The following NSMCE2 variants were observed in gnomAD, a reference collection of about 807,000 sequenced individuals.
The protein encoded by NSMCE2 is E3 SUMO-protein ligase NSE2.
In NSMCE2, 24 loss-of-function variants were observed where a neutral mutation model predicts 23.8. That is an observed-to-expected ratio of 1.01 (90% CI 0.73 to 1.42). NSMCE2 has a LOEUF of 1.42. Ranked by LOEUF, NSMCE2 falls within the 40% of genes most tolerant of loss-of-function variation. NSMCE2 has a pLI of 0.00. For synonymous variants in NSMCE2, 92 were observed against 94.1 expected, an observed-to-expected ratio of 0.98 and a Z score of 0.13; for missense variants, 284 against 296.5, an observed-to-expected ratio of 0.96 and a Z score of 0.31.
At chr8:125,135,431 T>C (rs1311898907) in intron 3 of NSMCE2, among the ~76,000 whole-genome samples, 3 of 152,186 alleles carry the variant, frequency 2.0e-5, no homozygotes, top group Admixed American at 2.0e-4. Flanking sequence ...TGGATTGTGC[T>C]TTGCTCTTGT....
chr8:125,173,830 G>A lies in NSMCE2; in HGVS notation c.265-8273G>A, dbSNP rs984142895. Among the ~76,000 whole-genome samples the A allele has an allele frequency of 5.3e-5, 8 of 152,162 alleles. No homozygotes were observed. In the South Asian group the frequency reaches 6.2e-4, roughly 12 times the overall value. On this transcript the variant is annotated intron_variant, in intron 4 of 7. Coordinates refer to ENST00000287437, the MANE Select transcript of NSMCE2 (RefSeq NM_173685.4). ...AGTAAAACATTTAAGGTGAACGGGG[G>A]TTTGAGTAAGTTGAAACTGGCTGAC...
At chr8:125,255,053 A>G (rs1256904786) in intron 5 of NSMCE2, among the ~76,000 whole-genome samples, 2 of 152,190 alleles carry the variant, frequency 1.3e-5, no homozygotes, top group South Asian at 2.1e-4. Context: ...AGCAGCGTCC[A>G]CTTCCTGTCT....
chr8:125,284,957 A>G (rs879323261), intron 5 of NSMCE2, among the ~76,000 whole-genome samples: 1 of 152,202 alleles, frequency 6.6e-6, no homozygotes, highest in Non-Finnish European at 1.5e-5. Context: ...ACGAAAATCT[A>G]CATTTTAGTG....
At chr8:125,182,583 G>T in intron 5 of NSMCE2, 2 of 406,316 alleles carry the variant, frequency 4.9e-6, no homozygotes, top group Non-Finnish European at 8.6e-6. Context: ...CAATGGTATC[G>T]TTCAAGTTTT....
rs566547601 is a variant in NSMCE2, at chr8:125,143,933, C to T, written c.158-7238C>T. ...TCTTTTCTGGAGATTAGGGAGGATT[C>T]TGGAAAAGGACCTTGTGGCTGAGAT... On this transcript the variant is annotated intron_variant, in intron 3 of 7. Coordinates refer to ENST00000287437, the MANE Select transcript of NSMCE2 (RefSeq NM_173685.4). 1.7e-4 allele frequency among the ~76,000 whole-genome samples: 26 copies of T among 152,154 alleles called. No individual in the cohort carries two copies. In the South Asian group the frequency reaches 2.3e-3, roughly 13 times the overall value.
At chr8:125,256,368 G>C (rs1826414864) in intron 5 of NSMCE2, among the ~76,000 whole-genome samples, 1 of 152,000 alleles carries the variant, frequency 6.6e-6, no homozygotes, top group Non-Finnish European at 1.5e-5. Context: ...GTGAAAGCTA[G>C]ATGCCAGTGC....
chr8:125,323,156 T>G (rs1218190685), intron 5 of NSMCE2, among the ~76,000 whole-genome samples: 1 of 152,224 alleles, frequency 6.6e-6, no homozygotes, highest in Non-Finnish European at 1.5e-5. Flanking sequence ...ATCAGAGACC[T>G]AAATTAATGG....
intron 5 of NSMCE2, among the ~76,000 whole-genome samples, chr8:125,256,371 G>C (rs557200192): frequency 1.3e-5 from 2 of 152,034 alleles, no homozygotes; most frequent in Admixed American, 6.6e-5. Context: ...AAAGCTAGAT[G>C]CCAGTGCCAC....
chr8:125,255,761 A>G (rs1389624343), intron 5 of NSMCE2, among the ~76,000 whole-genome samples: 1 of 152,084 alleles, frequency 6.6e-6, no homozygotes, highest in Admixed American at 6.5e-5. Flanking sequence ...TGCATTTTGG[A>G]TTGAAGCTGT....
At chr8:125,093,615 C>T (rs1220767803) in intron 1 of NSMCE2, among the ~76,000 whole-genome samples, 2 of 152,134 alleles carry the variant, frequency 1.3e-5, no homozygotes, top group South Asian at 2.1e-4. Context: ...CCCAGCTACT[C>T]GGGAGGCTGA....
intron 4 of NSMCE2, among the ~76,000 whole-genome samples, chr8:125,170,065 C>G (rs1389310130): frequency 3.3e-5 from 5 of 151,646 alleles, no homozygotes; most frequent in Admixed American, 2.0e-4. Flanking sequence ...CTCATAACAT[C>G]ATGAAGTTAA....
At chr8:125,272,303 C>G (rs1164683765) in intron 5 of NSMCE2, among the ~76,000 whole-genome samples, 1 of 151,974 alleles carries the variant, frequency 6.6e-6, no homozygotes, top group African/African-American at 2.4e-5. Context: ...CTTGAGCCAC[C>G]GCGCCCGGCA....
intron 5 of NSMCE2, among the ~76,000 whole-genome samples, chr8:125,248,584 C>T (rs1184079941): frequency 1.3e-5 from 2 of 151,728 alleles, no homozygotes; most frequent in Non-Finnish European, 2.9e-5. Flanking sequence ...ACCAGGGAGG[C>T]GGAGGTTGCA....
At chr8:125,152,126 C>CT (rs1276542425) in intron 4 of NSMCE2, among the ~76,000 whole-genome samples, 1 of 152,014 alleles carries the variant, frequency 6.6e-6, no homozygotes, top group South Asian at 2.1e-4. Context: ...TTAGAGTAAG[C>CT]TTTTTTTAAT....
intron 5 of NSMCE2, among the ~76,000 whole-genome samples, chr8:125,267,821 T>C (rs74665435): frequency 0.062 from 9,438 of 152,294 alleles, 375 homozygotes; most frequent in Non-Finnish European, 0.085. Context: ...TGTTGAATTA[T>C]AGAAGACTTC....
At chr8:125,280,161 C>T (rs995974562) in intron 5 of NSMCE2, among the ~76,000 whole-genome samples, 2 of 152,102 alleles carry the variant, frequency 1.3e-5, no homozygotes, top group African/African-American at 2.4e-5. Flanking sequence ...TTTAAAGCTG[C>T]CTTTATTAAC....
At chr8:125,097,052 T>C (rs1156571616) in intron 1 of NSMCE2, among the ~76,000 whole-genome samples, 1 of 152,220 alleles carries the variant, frequency 6.6e-6, no homozygotes, top group Non-Finnish European at 1.5e-5. Context: ...ATTTATATTG[T>C]GTAAAATGTC....
chr8:125,330,874 C>T (rs984745308), intron 5 of NSMCE2, among the ~76,000 whole-genome samples: 8 of 152,160 alleles, frequency 5.3e-5, no homozygotes, highest in African/African-American at 1.4e-4. Flanking sequence ...GACCACAGCT[C>T]CTTTCAGTTT....
intron 3 of NSMCE2, among the ~76,000 whole-genome samples, chr8:125,149,430 T>C (rs1163596216): frequency 1.3e-5 from 2 of 152,160 alleles, no homozygotes; most frequent in African/African-American, 4.8e-5. Context: ...AAAACTGACA[T>C]TTGTCTGCAC....
Sources: gnomAD v4.1 joint callset for allele counts (sites outside exome capture counted in the v4.1 genomes callset) on GRCh38, gnomAD v4.1.1 for gene constraint, MANE v1.5 for transcripts, NCBI Gene and HGNC (gene_info 2026-07-23, HGNC 2026-07-21) for gene names.